The following SPINT1 variants were observed in gnomAD, a reference collection of about 807,000 sequenced individuals.
The protein encoded by SPINT1 is kunitz-type protease inhibitor 1.
Under a neutral mutation model 53.7 loss-of-function variants are expected in SPINT1, and 38 were observed. The ratio of observed to expected loss-of-function variants is 0.71; its 90% CI spans 0.55 to 0.93. The LOEUF (loss-of-function observed/expected upper bound fraction) is 0.93, where lower values mean the gene tolerates loss of function less well. Among genes scored for constraint, SPINT1 ranks in the 40% least tolerant of loss-of-function variants. SPINT1 has a pLI of 0.00. For missense variants in SPINT1, 645 were observed against 692.9 expected (o/e 0.93, Z 0.78); for synonymous variants, 283 against 280.6 (o/e 1.01, Z -0.08).
In SPINT1 at chr15:40,844,519, C is replaced by G. The variant is rs1383589202; in HGVS notation, c.-36C>G. On this transcript the variant is annotated 5_prime_UTR_variant, in exon 2 of 11. Coordinates refer to ENST00000562057, the MANE Select transcript of SPINT1 (RefSeq NM_003710.4). This position sits in a 1 kb window ranked among gnomAD's most constrained non-coding sequence, Gnocchi z 5.8. ...CCAGCACCCTCGGAACCCAGAGGCCCGCGCTCTGAAGGTGACCCCCCTGGG... is the reference window on the plus strand; with the variant it reads ...CCAGCACCCTCGGAACCCAGAGGCCGGCGCTCTGAAGGTGACCCCCCTGGG... 6.3e-7 allele frequency: 1 copy of G among 1,596,872 alleles called. No homozygotes were observed. Among genetic ancestry groups the G allele is most frequent in the Admixed American group, 1.7e-5 (1 of 59,966 alleles).
chr15:40,853,186 G>A lies in SPINT1; in HGVS notation c.538G>A (p.Val180Met), dbSNP rs760398562. 1 of 1,614,202 alleles carries A rather than the reference G, an allele frequency of 6.2e-7. No individual in the cohort carries two copies. The highest frequency in any genetic ancestry group is 1.7e-5 in the Admixed American group (1 of 60,026). Residue 180 changes from valine (V) to methionine (M), a missense_variant, in exon 3 of 11, where the codon GTG (valine) becomes ATG (methionine). Val to Met is a conservative substitution (Grantham distance 21, BLOSUM62 1). Coordinates refer to ENST00000562057, the MANE Select transcript of SPINT1 (RefSeq NM_003710.4). ...DLKVQPQEPLVLKDVENTDWR... is the reference protein window; with the variant it reads ...DLKVQPQEPLMLKDVENTDWR... ...GAAGGTACAACCCCAGGAACCCCTG[G>A]TGCTGAAGGATGTGGAAAACACAGA...
At position 40,852,021 on chromosome 15, in the gene SPINT1, A is replaced by AAAAAC. The variant is rs887361855; in HGVS notation, c.476-1083_476-1079dup. Among the ~76,000 whole-genome samples the AAAAAC allele has an allele frequency of 2.2e-4, 33 of 152,316 alleles. No homozygotes were observed. The East Asian group carries it at 3.3e-3, about 15-fold the overall frequency. ...GGATGAAAGAGTGAGACTCCATCTC[A>AAAAAC]AAAACAAAACAAAACAAAACAAAAA... On this transcript the variant is annotated intron_variant, in intron 2 of 10. Coordinates refer to ENST00000562057, the MANE Select transcript of SPINT1 (RefSeq NM_003710.4).
rs1891622848 is a variant in SPINT1, at chr15:40,855,948, T to C, written c.1174T>C (p.Tyr392His). The C allele has an allele frequency of 6.2e-7, 1 of 1,614,200 alleles. No individual in the cohort carries two copies. The highest frequency in any genetic ancestry group is 8.5e-7 in the Non-Finnish European group (1 of 1,180,026). ...GLCKESIPRW[Y>H]YNPFSEHCAR... The stretch of plus-strand genomic sequence containing the variant: ...CTGCAAGGAGAGCATCCCGCGCTGG[T>C]ACTACAACCCCTTCAGCGAACACTG... The change falls in exon 9 of 11, where the codon TAC (tyrosine) becomes CAC (histidine). Residue 392 changes from tyrosine (Y) to histidine (H), a missense_variant. Physicochemically the swap from Tyr to His is moderately conservative, Grantham distance 83 (BLOSUM62 2). Coordinates refer to ENST00000562057, the MANE Select transcript of SPINT1 (RefSeq NM_003710.4).
chr15:40,844,544 G>C lies in SPINT1; in HGVS notation c.-11G>C. On this transcript the variant is annotated 5_prime_UTR_variant, in exon 2 of 11. Coordinates refer to ENST00000562057, the MANE Select transcript of SPINT1 (RefSeq NM_003710.4). The surrounding 1 kb of genome is among the most constrained non-coding windows in gnomAD (Gnocchi z 5.8). ...CGCGCTCTGAAGGTGACCCCCCTGG[G>C]GAGGAAGGCGATGGCCCCTGCGAGG... The C allele has an allele frequency of 6.2e-7, 1 of 1,610,436 alleles. No individual in the cohort carries two copies. The highest frequency in any genetic ancestry group is 1.7e-5 in the Admixed American group (1 of 59,984).
chr15:40,844,734 C>T lies in SPINT1; in HGVS notation c.180C>T (p.Gly60=). The part of the protein sequence containing the change: ...CLNSFTAGVP[G]FVLDTNASVS... ...ACAGCTTTACCGCCGGGGTGCCTGG[C>T]TTCGTGCTGGACACCAACGCCTCGG... The change falls in exon 2 of 11, where the codon GGC becomes GGT. Residue 60 remains glycine, a synonymous_variant. Transcript: ENST00000562057. This position sits in a 1 kb window ranked among gnomAD's most constrained non-coding sequence, Gnocchi z 5.8. 3 of 1,609,388 alleles carry T rather than the reference C, an allele frequency of 1.9e-6. No individual in the cohort carries two copies. The highest frequency in any genetic ancestry group is 2.5e-6 in the Non-Finnish European group (3 of 1,177,264).
chr15:40,848,988 T>G (rs1423354569), intron 2 of SPINT1, among the ~76,000 whole-genome samples: 4 of 151,534 alleles, frequency 2.6e-5, no homozygotes, highest in African/African-American at 9.7e-5. Context: ...GGGTCACGCC[T>G]GTAATCCCAG....
intron 2 of SPINT1, among the ~76,000 whole-genome samples, chr15:40,848,964 G>A (rs113593518): frequency 2.2e-4 from 33 of 149,590 alleles, no homozygotes; most frequent in Admixed American, 6.0e-4. Context: ...AAATGGGGTC[G>A]GGCCGGGCGC....
rs768884488 is a variant in SPINT1 at position 40,844,501 on chromosome 15, C to T, written c.-54C>T. On this transcript the variant is annotated 5_prime_UTR_variant, in exon 2 of 11. Coordinates refer to ENST00000562057, the MANE Select transcript of SPINT1 (RefSeq NM_003710.4). This position sits in a 1 kb window ranked among gnomAD's most constrained non-coding sequence, Gnocchi z 5.8. ...TCCCTTCTTCTCAGGTCACCAGCAC[C>T]CTCGGAACCCAGAGGCCCGCGCTCT... 1.9e-5 allele frequency: 29 copies of T among 1,558,248 alleles called. No individual in the cohort carries two copies. In the Middle Eastern group the frequency reaches 1.2e-3, roughly 64 times the overall value.
chr15:40,856,205 T>C, intron 9 of SPINT1, 71 bp from the exon 10 acceptor site: 1 of 1,599,424 alleles, frequency 6.3e-7, no homozygotes, highest in Non-Finnish European at 8.6e-7. Context: ...GTGTGAGGTC[T>C]GGGGCACTGG....
Position 40,857,278 on chromosome 15 carries a change from C to T in SPINT1, c.*303C>T, listed in dbSNP as rs542521692. On this transcript the variant is annotated 3_prime_UTR_variant, in exon 11 of 11. Coordinates refer to ENST00000562057, the MANE Select transcript of SPINT1 (RefSeq NM_003710.4). ...CTGTTCAAAGCTGCCTGTCCCTACC[C>T]CATGGTGCTAGGAAGAGGAGTGGGG... 3.6e-4 allele frequency: 156 copies of T among 439,184 alleles called. 1 individual carries two copies. The South Asian group carries it at 4.4e-3, about 13-fold the overall frequency. The allele number at this position is 439,184 out of a possible 1,614,324, so 27.2% of individuals were successfully genotyped here. A position where few individuals can be genotyped will look rare whatever the true frequency, so the allele number is the denominator to read the frequency against.
chr15:40,844,752 C>T lies in SPINT1; in HGVS notation c.198C>T (p.Asn66=), dbSNP rs1891229399. ...TGCCTGGCTTCGTGCTGGACACCAACGCCTCGGTCAGCAACGGAGCTACCT... is the reference window on the plus strand; with the variant it reads ...TGCCTGGCTTCGTGCTGGACACCAATGCCTCGGTCAGCAACGGAGCTACCT... The part of the protein sequence containing the change: ...AGVPGFVLDT[N]ASVSNGATFL... Residue 66 remains asparagine, a synonymous_variant, in exon 2 of 11, where the codon AAC becomes AAT. Coordinates refer to ENST00000562057, the MANE Select transcript of SPINT1 (RefSeq NM_003710.4). The surrounding 1 kb of genome is among the most constrained non-coding windows in gnomAD (Gnocchi z 5.8). 2.5e-6 allele frequency: 4 copies of T among 1,611,024 alleles called. No individual in the cohort carries two copies. Among genetic ancestry groups the T allele is most frequent in the Non-Finnish European group, 3.4e-6 (4 of 1,178,280 alleles).
Position 40,854,487 on chromosome 15 carries a change from G to T in SPINT1, c.1031G>T (p.Cys344Phe). The T allele has an allele frequency of 6.2e-7, 1 of 1,613,416 alleles. No homozygotes were observed. Among genetic ancestry groups the T allele is most frequent in the African/African-American group, 1.3e-5 (1 of 75,024 alleles). The change falls in exon 7 of 11, where the codon TGC becomes TTC. Residue 344 changes from cysteine (C) to phenylalanine (F), a missense_variant. Transcript: ENST00000562057. ...SFLECDDTPN[C>F]PDASDEAACE... ...CTGGAGTGTGACGACACCCCCAACT[G>T]CCCCGACGCCTCCGACGAGGCTGCC...
At chr15:40,856,541 C>T (rs1891647283) in intron 10 of SPINT1, among the ~76,000 whole-genome samples, 1 of 152,122 alleles carries the variant, frequency 6.6e-6, no homozygotes, top group Middle Eastern at 3.2e-3. Context: ...AGGCTTCCCC[C>T]AAGTTAACTG....
Position 40,854,527 on chromosome 15 carries a change from G to A in SPINT1, c.1066+5G>A. The A allele has an allele frequency of 6.2e-7, 1 of 1,613,666 alleles. No homozygotes were observed. Among genetic ancestry groups the A allele is most frequent in the Non-Finnish European group, 8.5e-7 (1 of 1,179,868 alleles). ...ACGAGGCTGCCTGTGAAAAATGTGA[G>A]GCCTGGGGGATAGAGGGGGTTGGGC... On this transcript the variant is annotated splice_donor_5th_base_variant and intron_variant, in intron 7 of 10. Transcript: ENST00000562057.
At position 40,856,821 on chromosome 15, in the gene SPINT1, T is replaced by C. The variant is rs1160435671; in HGVS notation, c.1388T>C (p.Val463Ala). 2.5e-6 allele frequency: 4 copies of C among 1,614,150 alleles called. No homozygotes were observed. The highest frequency in any genetic ancestry group is 1.7e-5 in the Admixed American group (1 of 60,002). ...TTCCTGGTCATCTGCATTGTGGTGG[T>C]GGTAGCCATCTTGGGTTACTGCTTC... The part of the protein sequence containing the change: ...AVFLVICIVV[V>A]VAILGYCFFK... Residue 463 changes from valine to alanine, a missense_variant, in exon 11 of 11, where the codon GTG becomes GCG. Physicochemically the swap from Val to Ala is moderately conservative, Grantham distance 64 (BLOSUM62 0). Transcript: ENST00000562057.
At chr15:40,854,849 C>G (rs1051965649) in intron 8 of SPINT1, among the ~76,000 whole-genome samples, 160 bp downstream of exon 8, 1 of 152,216 alleles carries the variant, frequency 6.6e-6, no homozygotes, top group Non-Finnish European at 1.5e-5. Context: ...CAGCTTCTTC[C>G]CTGGCTGGCT....
At chr15:40,853,337 C>T (rs1252118768) in intron 3 of SPINT1, 86 bp downstream of exon 3, 7 of 1,604,400 alleles carry the variant, frequency 4.4e-6, no homozygotes, top group Middle Eastern at 1.8e-4. Flanking sequence ...CAACCAATGG[C>T]CCCGGATGGG....
chr15:40,845,301 G>C (rs112045778), intron 2 of SPINT1, among the ~76,000 whole-genome samples: 1 of 140,168 alleles, frequency 7.1e-6, no homozygotes, highest in African/African-American at 2.7e-5. Flanking sequence ...ACAGGCACCC[G>C]CTACCAGACC....
At chr15:40,853,937 G>T in intron 5 of SPINT1, 56 bp downstream of exon 5, 2 of 1,613,962 alleles carry the variant, frequency 1.2e-6, no homozygotes, top group Non-Finnish European at 1.7e-6. Flanking sequence ...AGGGTGAGTG[G>T]TCTCTCTCTT....
Sources: gnomAD v4.1 joint callset for allele counts (sites outside exome capture counted in the v4.1 genomes callset) on GRCh38, gnomAD v4.1.1 for gene constraint, Gnocchi (gnomAD v3.1) non-coding constraint, MANE v1.5 for transcripts, NCBI Gene and HGNC (gene_info 2026-07-23, HGNC 2026-07-21) for gene names.